Variants in KLHL40 observed in about 807,000 individuals in gnomAD.
KLHL40 encodes kelch-like protein 40.
In KLHL40, 44 loss-of-function variants were observed where a neutral mutation model predicts 49.7. That is an observed-to-expected ratio of 0.89 (90% CI 0.70 to 1.14). KLHL40 has a LOEUF of 1.14. Among genes scored for constraint, KLHL40 ranks in the 50% most tolerant of loss-of-function variants. The probability of loss-of-function intolerance (pLI) is 0.00; values close to 1 mark genes in which losing one functional copy is unlikely to be tolerated. For synonymous variants in KLHL40, 409 were observed against 365.2 expected (o/e 1.12, Z -1.37); for missense variants, 892 against 850.3 (o/e 1.05, Z -0.61).
rs189234560 is a variant in KLHL40, at chr3:42,688,887, G to A, written c.1440G>A (p.Met480Ile). ...CCCACAGGAAGTGCCTGAACAAGAT[G>A]TGCGTCTATGACCCCAAGAAGTTTG... ...KGSDRKCLNK[M>I]CVYDPKKFEW... Residue 480 changes from methionine to isoleucine, a missense_variant, in exon 4 of 6, where the codon ATG (methionine) becomes ATA (isoleucine). Met to Ile is a conservative substitution (Grantham distance 10). Coordinates refer to ENST00000287777, the MANE Select transcript of KLHL40 (RefSeq NM_152393.4). The surrounding 1 kb of genome is among the most constrained non-coding windows in gnomAD (Gnocchi z 4.2). The A allele has an allele frequency of 1.9e-6, 3 of 1,614,052 alleles. No homozygotes were observed. The highest frequency in any genetic ancestry group is 2.7e-5 in the African/African-American group (2 of 75,036).
chr3:42,691,504 C>G (rs1055260189), intron 5 of KLHL40, among the ~76,000 whole-genome samples: 4 of 152,122 alleles, frequency 2.6e-5, no homozygotes, highest in Admixed American at 2.6e-4. Context: ...CTGCTGCAGG[C>G]AGCCCCTGGG....
At chr3:42,689,621 A>G (rs913094681) in intron 4 of KLHL40, among the ~76,000 whole-genome samples, 2 of 152,088 alleles carry the variant, frequency 1.3e-5, no homozygotes, top group Non-Finnish European at 2.9e-5. Flanking sequence ...GTGTTCTACT[A>G]AAGTACTTCA....
chr3:42,686,682 T>C lies in KLHL40; in HGVS notation c.1064T>C (p.Val355Ala), dbSNP rs761269619. 3 of 1,613,818 alleles carry C rather than the reference T, an allele frequency of 1.9e-6. No homozygotes were observed. In the Admixed American group the frequency reaches 5.0e-5, roughly 27 times the overall value. ...NQVPKNHVSL[V>A]TKENQVFVAG... ...GTCCCCAAGAACCACGTCAGCCTGGTTACCAAGGAGAACCAGGTCTTCGTG... is the reference window on the plus strand; with the variant it reads ...GTCCCCAAGAACCACGTCAGCCTGGCTACCAAGGAGAACCAGGTCTTCGTG... Residue 355 changes from valine to alanine, a missense_variant, in exon 1 of 6, where the codon GTT becomes GCT. Transcript: ENST00000287777.
At chr3:42,689,428 G>A (rs1362966515) in intron 4 of KLHL40, among the ~76,000 whole-genome samples, 4 of 152,180 alleles carry the variant, frequency 2.6e-5, no homozygotes, top group Admixed American at 2.6e-4. Context: ...AGGGGTGAGG[G>A]TGGTGGGAGG....
At position 42,689,156 on chromosome 3, in the gene KLHL40, C is replaced by G. The variant is rs339701; in HGVS notation, c.1607+102C>G. ...CCCTGTCTTGGGTCTCCAGTGTTGACTTTGGACATCAGTATAGAAATAGGC... is the reference window on the plus strand; with the variant it reads ...CCCTGTCTTGGGTCTCCAGTGTTGAGTTTGGACATCAGTATAGAAATAGGC... On this transcript the variant is annotated intron_variant, in intron 4 of 5. Transcript: ENST00000287777. 45,290 of 1,000,554 alleles carry G rather than the reference C, an allele frequency of 0.045. 5,799 individuals are homozygous for G. Among genetic ancestry groups the G allele is most frequent in the African/African-American group, 0.38 (23,428 of 62,046 alleles). The allele number at this position is 1,000,554 out of a possible 1,614,324, so 62.0% of individuals were successfully genotyped here.
chr3:42,688,604 C>T lies in KLHL40; in HGVS notation c.1314-6C>T. On this transcript the variant is annotated splice_polypyrimidine_tract_variant and splice_region_variant and intron_variant, in intron 2 of 5. Transcript: ENST00000287777. The surrounding 1 kb of genome is among the most constrained non-coding windows in gnomAD (Gnocchi z 4.2). ...CCTCCCCCACCCCCACTCCCGTCTC[C>T]TCCAGGTCATTCAAATGGGGTGAAT... 1 of 1,611,758 alleles carries T rather than the reference C, an allele frequency of 6.2e-7. No individual in the cohort carries two copies. Among genetic ancestry groups the T allele is most frequent in the Non-Finnish European group, 8.5e-7 (1 of 1,178,274 alleles).
chr3:42,691,768 C>A, intron 5 of KLHL40, 114 bp from the exon 6 acceptor site: 1 of 683,134 alleles, frequency 1.5e-6, no homozygotes, highest in Non-Finnish European at 2.7e-6. Flanking sequence ...TTTTCAGGAG[C>A]AGATCTCCCT....
Position 42,685,893 on chromosome 3 carries a change from C to G in KLHL40, c.275C>G (p.Ser92Ter), listed in dbSNP as rs924279167. ...CAGGTGCTGCACTACCTGTACACAT[C>G]AGAGATCGCGCTGGATGAGGCGAGC... The part of the protein sequence containing the change: ...VAQVLHYLYT[S>*]EIALDEASVQ... Residue 92 changes from serine to a stop codon, truncating the protein, a stop_gained, in exon 1 of 6, where the codon TCA becomes TGA. Coordinates refer to ENST00000287777, the MANE Select transcript of KLHL40 (RefSeq NM_152393.4). LOFTEE classifies it high-confidence loss of function. 6.2e-7 allele frequency: 1 copy of G among 1,612,414 alleles called. No individual in the cohort carries two copies.
Position 42,688,597 on chromosome 3 carries a change from C to G in KLHL40, c.1314-13C>G. 2 of 1,606,634 alleles carry G rather than the reference C, an allele frequency of 1.2e-6. No individual in the cohort carries two copies. The highest frequency in any genetic ancestry group is 2.7e-5 in the African/African-American group (2 of 74,882). ...TGGGTGCCCTCCCCCACCCCCACTCCCGTCTCCTCCAGGTCATTCAAATGG... is the reference window on the plus strand; with the variant it reads ...TGGGTGCCCTCCCCCACCCCCACTCGCGTCTCCTCCAGGTCATTCAAATGG... On this transcript the variant is annotated splice_polypyrimidine_tract_variant and intron_variant, in intron 2 of 5. Coordinates refer to ENST00000287777, the MANE Select transcript of KLHL40 (RefSeq NM_152393.4). This position sits in a 1 kb window ranked among gnomAD's most constrained non-coding sequence, Gnocchi z 4.2.
At position 42,688,056 on chromosome 3, in the gene KLHL40, C is replaced by A. The variant is rs570279292; in HGVS notation, c.1153-86C>A. 1.9e-6 allele frequency: 3 copies of A among 1,554,826 alleles called. No individual in the cohort carries two copies. Among genetic ancestry groups the A allele is most frequent in the African/African-American group, 2.7e-5 (2 of 73,712 alleles). ...CCCTACCTGGGTTCCCGACCTCCTC[C>A]GTGATCTGGGGCAGTGGGACTGAGT... is the stretch of plus-strand genomic sequence containing the variant. On this transcript the variant is annotated intron_variant, in intron 1 of 5. Coordinates refer to ENST00000287777, the MANE Select transcript of KLHL40 (RefSeq NM_152393.4). This position sits in a 1 kb window ranked among gnomAD's most constrained non-coding sequence, Gnocchi z 4.2.
rs779801397 is a variant in KLHL40, at chr3:42,688,873, T to C, written c.1426T>C (p.Cys476Arg). 3 of 1,613,414 alleles carry C rather than the reference T, an allele frequency of 1.9e-6. No homozygotes were observed. Among genetic ancestry groups the C allele is most frequent in the African/African-American group, 2.7e-5 (2 of 74,888 alleles). The change falls in exon 4 of 6, where the codon TGC becomes CGC. Residue 476 changes from cysteine to arginine, a missense_variant. Transcript: ENST00000287777. The surrounding 1 kb of genome is among the most constrained non-coding windows in gnomAD (Gnocchi z 4.2). Reference sequence around the variant, plus strand: ...TCCCCACCCTCCACCCCACAGGAAGTGCCTGAACAAGATGTGCGTCTATGA... The same window carrying C: ...TCCCCACCCTCCACCCCACAGGAAGCGCCTGAACAAGATGTGCGTCTATGA... Reference protein sequence around the residue: ...VIGGKGSDRKCLNKMCVYDPK... With the variant: ...VIGGKGSDRKRLNKMCVYDPK...
At chr3:42,687,890 C>T (rs2125845210) in intron 1 of KLHL40, among the ~76,000 whole-genome samples, 1 of 152,244 alleles carries the variant, frequency 6.6e-6, no homozygotes, top group Middle Eastern at 3.4e-3. Flanking sequence ...AGAGCTCCCC[C>T]TCATTTCTGT....
rs753898212 is a variant in KLHL40, at chr3:42,688,210, G to T, written c.1221G>T (p.Leu407=). 1.2e-6 allele frequency: 2 copies of T among 1,613,918 alleles called. No individual in the cohort carries two copies. The highest frequency in any genetic ancestry group is 2.2e-5 in the South Asian group (2 of 91,068). Reference sequence around the variant, plus strand: ...CCTCGCCCCGCTGCCTCTTTGGCCTGGGAGAAGCTCTCAACTCCATCTACG... The same window carrying T: ...CCTCGCCCCGCTGCCTCTTTGGCCTTGGAGAAGCTCTCAACTCCATCTACG... ...PLPSPRCLFG[L]GEALNSIYVV... Residue 407 remains leucine, a synonymous_variant, in exon 2 of 6, where the codon CTG becomes CTT. Transcript: ENST00000287777. The surrounding 1 kb of genome is among the most constrained non-coding windows in gnomAD (Gnocchi z 4.2).
At chr3:42,691,140 G>A (rs1458811840) in intron 5 of KLHL40, 135 bp downstream of exon 5, 9 of 879,970 alleles carry the variant, frequency 1.0e-5, no homozygotes, top group Middle Eastern at 3.5e-4. Context: ...AGTCCTGTAG[G>A]GAGGAATAGC....
rs1697266704 is a variant in KLHL40 at position 42,686,060 on chromosome 3, C to G, written c.442C>G (p.Leu148Val). The G allele has an allele frequency of 6.2e-7, 1 of 1,605,338 alleles. No homozygotes were observed. Among genetic ancestry groups the G allele is most frequent in the Non-Finnish European group, 8.5e-7 (1 of 1,179,900 alleles). Residue 148 changes from leucine to valine, a missense_variant, in exon 1 of 6, where the codon CTC becomes GTC. Transcript: ENST00000287777. ...RLGLLLDCAR[L>V]AVAARDFICA... ...CGGCCTCCTGCTCGACTGCGCGCGT[C>G]TCGCCGTGGCTGCCCGCGACTTCAT... is the stretch of plus-strand genomic sequence containing the variant.
chr3:42,690,665 G>A (rs1233039918), intron 4 of KLHL40, among the ~76,000 whole-genome samples, 194 bp from the exon 5 acceptor site: 1 of 152,122 alleles, frequency 6.6e-6, no homozygotes, highest in Admixed American at 6.5e-5. Flanking sequence ...ACAAGGAAAG[G>A]AAAGTGGAGG....
rs1378954398 is a variant in KLHL40 at position 42,686,686 on chromosome 3, C to T, written c.1068C>T (p.Thr356=). 1.2e-6 allele frequency: 2 copies of T among 1,613,796 alleles called. No homozygotes were observed. The highest frequency in any genetic ancestry group is 1.1e-5 in the South Asian group (1 of 91,084). The change falls in exon 1 of 6, where the codon ACC becomes ACT. Residue 356 remains threonine, a synonymous_variant. Coordinates refer to ENST00000287777, the MANE Select transcript of KLHL40 (RefSeq NM_152393.4). ...CCAAGAACCACGTCAGCCTGGTTACCAAGGAGAACCAGGTCTTCGTGGCTG... is the reference window on the plus strand; with the variant it reads ...CCAAGAACCACGTCAGCCTGGTTACTAAGGAGAACCAGGTCTTCGTGGCTG... ...QVPKNHVSLV[T]KENQVFVAGG...
In KLHL40 at chr3:42,688,786, C is replaced by A; in HGVS notation, c.1421+69C>A. ...CTCCCAGAGGCTGTCAGGGGTTTGT[C>A]CTGGCTGCCCCGGCAGGTGATTGCA... On this transcript the variant is annotated intron_variant, in intron 3 of 5. Coordinates refer to ENST00000287777, the MANE Select transcript of KLHL40 (RefSeq NM_152393.4). The surrounding 1 kb of genome is among the most constrained non-coding windows in gnomAD (Gnocchi z 4.2). 1 of 1,585,302 alleles carries A rather than the reference C, an allele frequency of 6.3e-7. No homozygotes were observed. Among genetic ancestry groups the A allele is most frequent in the Non-Finnish European group, 8.7e-7 (1 of 1,154,174 alleles).
intron 4 of KLHL40, among the ~76,000 whole-genome samples, chr3:42,690,370 A>C (rs1158132948): frequency 6.6e-6 from 1 of 152,226 alleles, no homozygotes. Flanking sequence ...CAGGAAGGTC[A>C]GTTTTGGAGG....
Sources: gnomAD v4.1 joint callset for allele counts (sites outside exome capture counted in the v4.1 genomes callset) on GRCh38, gnomAD v4.1.1 for gene constraint, Gnocchi (gnomAD v3.1) non-coding constraint, MANE v1.5 for transcripts, NCBI Gene and HGNC (gene_info 2026-07-23, HGNC 2026-07-21) for gene names.